Variants in UBR3 observed in about 807,000 individuals in gnomAD.
UBR3 encodes ubiquitin protein ligase E3 component n-recognin 3.
UBR3 carries 85 observed loss-of-function variants against 243.2 expected under a neutral mutation model. The observed-to-expected ratio is 0.35, with a 90% CI of 0.29 to 0.42. The LOEUF (loss-of-function observed/expected upper bound fraction) is 0.42. Among genes scored for constraint, UBR3 ranks in the 10% least tolerant of loss-of-function variants. The probability of loss-of-function intolerance (pLI) is 1.00; values close to 1 mark genes in which losing one functional copy is unlikely to be tolerated. For synonymous variants in UBR3, 748 were observed against 799.8 expected (o/e 0.94, Z 1.09); for missense variants, 1,686 against 2,300.8 (o/e 0.73, Z 5.47).
rs552953909 is a variant in UBR3 at position 169,828,539 on chromosome 2, A to T, written c.545+487A>T. ...GGAGGTGGTCTTGTACGTGCAGGGA[A>T]GGACGCTTGAGGAAAAGGTCTTCTG... On this transcript the variant is annotated intron_variant, in intron 1 of 38. Transcript: ENST00000272793. Among the ~76,000 whole-genome samples the T allele has an allele frequency of 7.2e-5, 11 of 152,062 alleles. No homozygotes were observed. The South Asian group carries it at 2.3e-3, about 32-fold the overall frequency.
At chr2:170,007,492 T>TCA (rs1409624413) in intron 28 of UBR3, among the ~76,000 whole-genome samples, 1 of 152,126 alleles carries the variant, frequency 6.6e-6, no homozygotes, top group Non-Finnish European at 1.5e-5. Context: ...GCACGGTGGC[T>TCA]CACACCTGTA....
At chr2:170,030,401 A>T (rs2090637320) in intron 31 of UBR3, among the ~76,000 whole-genome samples, 1 of 152,130 alleles carries the variant, frequency 6.6e-6, no homozygotes, top group Admixed American at 6.6e-5. Context: ...AGGCCATTTC[A>T]GTGGACAGAG....
At chr2:169,853,578 G>A (rs920309126) in intron 1 of UBR3, among the ~76,000 whole-genome samples, 4 of 151,736 alleles carry the variant, frequency 2.6e-5, no homozygotes. Context: ...AGCCTCCTGA[G>A]TCACTGGGAC....
At chr2:169,882,148 A>G (rs1245114695) in intron 5 of UBR3, among the ~76,000 whole-genome samples, 1 of 130,774 alleles carries the variant, frequency 7.6e-6, no homozygotes, top group African/African-American at 2.9e-5. Flanking sequence ...TATATTATAT[A>G]TGTATATATA....
intron 35 of UBR3, among the ~76,000 whole-genome samples, chr2:170,069,820 C>T (rs1050544765): frequency 6.6e-6 from 1 of 151,784 alleles, no homozygotes; most frequent in African/African-American, 2.4e-5. Flanking sequence ...GATTTGTTCC[C>T]CCCCCAGATA....
At chr2:169,922,820 C>T (rs879894031) in intron 11 of UBR3, among the ~76,000 whole-genome samples, 3 of 152,014 alleles carry the variant, frequency 2.0e-5, no homozygotes, top group Non-Finnish European at 2.9e-5. Context: ...TTTATTAGAA[C>T]AAATTTTTAT....
intron 29 of UBR3, among the ~76,000 whole-genome samples, chr2:170,010,495 T>C (rs887811965): frequency 1.3e-5 from 2 of 152,182 alleles, no homozygotes; most frequent in African/African-American, 4.8e-5. Context: ...AATCAAACAA[T>C]TTGATTTAAA....
intron 30 of UBR3, among the ~76,000 whole-genome samples, chr2:170,017,128 T>G (rs889181466): frequency 6.6e-6 from 1 of 151,956 alleles, no homozygotes; most frequent in African/African-American, 2.4e-5. Flanking sequence ...AGGACTTAAA[T>G]TGATGATGAT....
chr2:170,042,211 A>G (rs80104910), intron 32 of UBR3, among the ~76,000 whole-genome samples: 4,524 of 152,114 alleles, frequency 0.03, 114 homozygotes, highest in Non-Finnish European at 0.039. Flanking sequence ...TGTATTAATG[A>G]TATTATACAT....
chr2:170,012,862 G>A (rs998099340), intron 29 of UBR3, among the ~76,000 whole-genome samples: 3 of 152,084 alleles, frequency 2.0e-5, no homozygotes, highest in Admixed American at 2.0e-4. Flanking sequence ...TAAAATAGAA[G>A]TTAGTGTTGA....
Position 169,958,425 on chromosome 2 carries a change from C to G in UBR3, c.3546-13C>G. 6.2e-7 allele frequency: 1 copy of G among 1,610,836 alleles called. No homozygotes were observed. Among genetic ancestry groups the G allele is most frequent in the South Asian group, 1.1e-5 (1 of 90,662 alleles). On this transcript the variant is annotated splice_polypyrimidine_tract_variant and intron_variant, in intron 23 of 38. Coordinates refer to ENST00000272793, the MANE Select transcript of UBR3 (RefSeq NM_172070.4). ...GCATCTGATACTTAAAACTTTATTT[C>G]TGTTTAATCTAGGCGACAGAAGGCT...
chr2:169,950,183 A>G (rs1368538414), intron 23 of UBR3, 118 bp downstream of exon 23: 4 of 921,524 alleles, frequency 4.3e-6, no homozygotes, highest in Non-Finnish European at 6.3e-6. Flanking sequence ...ATAGCTGATT[A>G]GTTTGTAACA....
chr2:169,958,593 A>C, intron 24 of UBR3, 67 bp downstream of exon 24: 1 of 1,371,982 alleles, frequency 7.3e-7, no homozygotes, highest in Non-Finnish European at 1.0e-6. Context: ...GATGTAGTCC[A>C]GTCTTTTACT....
chr2:170,024,075 C>A (rs2090462735), intron 30 of UBR3, among the ~76,000 whole-genome samples: 1 of 152,070 alleles, frequency 6.6e-6, no homozygotes, highest in Non-Finnish European at 1.5e-5. Context: ...AAATAACCTA[C>A]CAGTTTTAGA....
rs1042592266 is a variant in UBR3, at chr2:170,082,321, A to T, written c.*478A>T. 2 of 152,772 alleles carry T rather than the reference A, an allele frequency of 1.3e-5. No individual in the cohort carries two copies. Among genetic ancestry groups the T allele is most frequent in the African/African-American group, 4.8e-5 (2 of 41,456 alleles). 9.5% of individuals were successfully genotyped at this position (152,772 alleles called of 1,614,324 possible). The stretch of plus-strand genomic sequence containing the variant: ...GTATGTAATTAGAAAAAAATGTAAA[A>T]CATGATTTATGTGAAATACTGTATA... On this transcript the variant is annotated 3_prime_UTR_variant, in exon 39 of 39. Coordinates refer to ENST00000272793, the MANE Select transcript of UBR3 (RefSeq NM_172070.4).
chr2:169,919,691 C>G (rs535837075), intron 11 of UBR3, among the ~76,000 whole-genome samples: 16 of 152,188 alleles, frequency 1.1e-4, no homozygotes, highest in Admixed American at 7.9e-4. Context: ...TTTATGCAGC[C>G]AAAAGACACA....
intron 1 of UBR3, among the ~76,000 whole-genome samples, chr2:169,829,962 T>G (rs1300322704): frequency 6.6e-6 from 1 of 152,170 alleles, no homozygotes; most frequent in East Asian, 1.9e-4. Flanking sequence ...TCTCTTTTTA[T>G]GCAAAGGGTT....
intron 1 of UBR3, among the ~76,000 whole-genome samples, chr2:169,842,762 C>T (rs967976006): frequency 3.9e-5 from 6 of 152,206 alleles, no homozygotes; most frequent in African/African-American, 1.2e-4. Context: ...GGACAGACTC[C>T]AGACACGCCA....
chr2:169,875,713 G>T (rs1392700521), intron 2 of UBR3, 78 bp from the exon 3 acceptor site: 25 of 1,257,282 alleles, frequency 2.0e-5, no homozygotes, highest in Non-Finnish European at 2.4e-5. Context: ...AATTTTAAAA[G>T]AATAAATACT....
Sources: gnomAD v4.1 joint callset for allele counts (sites outside exome capture counted in the v4.1 genomes callset) on GRCh38, gnomAD v4.1.1 for gene constraint, MANE v1.5 for transcripts, NCBI Gene and HGNC (gene_info 2026-07-23, HGNC 2026-07-21) for gene names.